Variants in SMAD6 observed in about 807,000 individuals in gnomAD.
SMAD6 encodes the protein SMAD family member 6, also known as MAD homolog 6.
SMAD6 carries 103 observed loss-of-function variants against 39.4 expected under a neutral mutation model. The ratio of observed to expected loss-of-function variants is 2.62; its 90% CI spans 2.23 to 3.08. The LOEUF is 3.08. SMAD6 is among the 30% of genes most tolerant of loss of function. SMAD6 has a pLI of 0.00. For synonymous variants in SMAD6, 445 were observed against 353.3 expected (o/e 1.26, Z -2.91); for missense variants, 1,104 against 742.9 (o/e 1.49, Z -5.65).
intron 3 of SMAD6, among the ~76,000 whole-genome samples, chr15:66,729,126 C>T (rs943437961): frequency 7.9e-5 from 12 of 152,148 alleles, no homozygotes; most frequent in South Asian, 4.1e-4. Flanking sequence ...TGGCAGAGCT[C>T]GGCCTAGAGC....
In SMAD6 at chr15:66,717,613, A is replaced by G. The variant is rs546512562; in HGVS notation, c.952+1115A>G. 2.5e-3 allele frequency: 954 copies of G among 381,508 alleles called. 9 individuals carry two copies. Among genetic ancestry groups the G allele is most frequent in the African/African-American group, 0.019 (897 of 48,164 alleles). The allele number at this position is 381,508 out of a possible 1,614,324, so 23.6% of individuals were successfully genotyped here. ...ACTGGCTGCTCATGGCTGCCTGGCCATTTCCCCAGCCCAGAGCCTTTGCCT... is the reference window on the plus strand; with the variant it reads ...ACTGGCTGCTCATGGCTGCCTGGCCGTTTCCCCAGCCCAGAGCCTTTGCCT... On this transcript the variant is annotated intron_variant, in intron 3 of 3. Transcript: ENST00000288840.
At chr15:66,769,984 C>T (rs534451646) in intron 3 of SMAD6, among the ~76,000 whole-genome samples, 28 of 152,314 alleles carry the variant, frequency 1.8e-4, no homozygotes, top group African/African-American at 6.7e-4. Context: ...TCCGCCACCA[C>T]GCCCAGCTGA....
rs117262616 is a variant in SMAD6, at chr15:66,780,731, A to G, written c.953-266A>G. ...GTTCATGTCTGCGTCCGCAGCATCT[A>G]GCACACAACAGGTGCTCTCTGGCTT... On this transcript the variant is annotated intron_variant, in intron 3 of 3. Transcript: ENST00000288840. Among the ~76,000 whole-genome samples the G allele has an allele frequency of 7.9e-3, 1,205 of 152,286 alleles. 89 individuals carry two copies. The East Asian group carries it at 0.17, about 21-fold the overall frequency.
chr15:66,722,656 C>T (rs1424410692), intron 3 of SMAD6, among the ~76,000 whole-genome samples: 1 of 152,202 alleles, frequency 6.6e-6, no homozygotes. Context: ...CAATCCCTCG[C>T]CATGTGTCTT....
intron 1 of SMAD6, chr15:66,707,313 T>C (rs1461632715): frequency 1.3e-5 from 2 of 152,090 alleles, no homozygotes; most frequent in Non-Finnish European, 2.9e-5. Context: ...AGTAAATTAC[T>C]ATTATCCAAA....
At chr15:66,710,093 C>T (rs1379774696) in intron 1 of SMAD6, among the ~76,000 whole-genome samples, 1 of 152,202 alleles carries the variant, frequency 6.6e-6, no homozygotes, top group East Asian at 1.9e-4. Context: ...CAGAGTCAGG[C>T]CTGGACTGGA....
At chr15:66,714,460 G>A (rs903409532) in intron 2 of SMAD6, among the ~76,000 whole-genome samples, 1 of 152,180 alleles carries the variant, frequency 6.6e-6, no homozygotes, top group Non-Finnish European at 1.5e-5. Flanking sequence ...TTGGTGTCCG[G>A]AAGTGGAGTT....
chr15:66,765,286 G>A lies in SMAD6; in HGVS notation c.953-15711G>A, dbSNP rs191624311. Among the ~76,000 whole-genome samples, 152 of 152,142 alleles carry A rather than the reference G, an allele frequency of 1.0e-3. 1 individual carries two copies. Among genetic ancestry groups the A allele is most frequent in the African/African-American group, 3.6e-3 (150 of 41,500 alleles). ...GTCGCCCAGGCTGGAGTGCAGTGGC[G>A]CAATCTGGCTCACTGCAACCTCTGC... On this transcript the variant is annotated intron_variant, in intron 3 of 3. Transcript: ENST00000288840.
intron 3 of SMAD6, among the ~76,000 whole-genome samples, chr15:66,744,782 G>A (rs1407439670): frequency 2.0e-5 from 3 of 152,230 alleles, no homozygotes; most frequent in South Asian, 2.1e-4. Flanking sequence ...GCTGCCCACA[G>A]CCCTCATCGC....
At position 66,711,682 on chromosome 15, in the gene SMAD6, C is replaced by G; in HGVS notation, c.832C>G (p.Pro278Ala). 1 of 1,614,048 alleles carries G rather than the reference C, an allele frequency of 6.2e-7. No homozygotes were observed. Among genetic ancestry groups the G allele is most frequent in the Non-Finnish European group, 8.5e-7 (1 of 1,179,930 alleles). The change falls in exon 2 of 4, where the codon CCC becomes GCC. Residue 278 changes from proline to alanine, a missense_variant. Coordinates refer to ENST00000288840, the MANE Select transcript of SMAD6 (RefSeq NM_005585.5). ...CTGTCTTCCAGAATCTCCGCCACCT[C>G]CCTACTCTCGGCTGTCTCCTCGCGA... ...RLCGPESPPP[P>A]YSRLSPRDEY...
chr15:66,732,858 G>C (rs1334711168), intron 3 of SMAD6, among the ~76,000 whole-genome samples: 1 of 151,752 alleles, frequency 6.6e-6, no homozygotes, highest in Non-Finnish European at 1.5e-5. Context: ...TTCTTTTCAT[G>C]CTTTTTATGT....
intron 3 of SMAD6, among the ~76,000 whole-genome samples, chr15:66,754,666 G>T (rs1350209819): frequency 1.3e-5 from 2 of 152,158 alleles, no homozygotes; most frequent in East Asian, 1.9e-4. Flanking sequence ...GGCATTTTAC[G>T]TAGAGTGTCT....
At chr15:66,717,409 G>A (rs569074448) in intron 3 of SMAD6, 7 of 456,072 alleles carry the variant, frequency 1.5e-5, no homozygotes, top group African/African-American at 6.0e-5. Flanking sequence ...CCACTTGGCC[G>A]CTTTATATGC....
intron 1 of SMAD6, chr15:66,708,034 G>A (rs1458963409): frequency 2.0e-5 from 3 of 152,356 alleles, no homozygotes; most frequent in Non-Finnish European, 4.4e-5. Flanking sequence ...ACCTTCTGGT[G>A]CACTGGCCCC....
intron 3 of SMAD6, among the ~76,000 whole-genome samples, chr15:66,721,418 C>T (rs2140612131): frequency 6.6e-6 from 1 of 152,254 alleles, no homozygotes; most frequent in South Asian, 2.1e-4. Flanking sequence ...CCTCATCTAA[C>T]AGACTCTGAG....
chr15:66,756,061 A>G (rs1041850477), intron 3 of SMAD6, among the ~76,000 whole-genome samples: 4 of 151,624 alleles, frequency 2.6e-5, no homozygotes, highest in East Asian at 1.9e-4. Flanking sequence ...AGAGGTGACA[A>G]TGGTGACTTT....
At chr15:66,740,156 A>C (rs1448919475) in intron 3 of SMAD6, among the ~76,000 whole-genome samples, 1 of 152,192 alleles carries the variant, frequency 6.6e-6, no homozygotes, top group Non-Finnish European at 1.5e-5. Flanking sequence ...GGGTCTGCCC[A>C]CATGGCAGGC....
chr15:66,739,465 A>G (rs983188833), intron 3 of SMAD6, among the ~76,000 whole-genome samples: 4 of 152,228 alleles, frequency 2.6e-5, no homozygotes, highest in African/African-American at 7.2e-5. Context: ...CAGGCCGTCA[A>G]GAGCCACTCA....
chr15:66,751,187 T>G (rs888656125), intron 3 of SMAD6, among the ~76,000 whole-genome samples: 1 of 151,924 alleles, frequency 6.6e-6, no homozygotes, highest in Non-Finnish European at 1.5e-5. Flanking sequence ...AGTCAGAGGG[T>G]GGTGGTGGTG....
Sources: allele counts gnomAD v4.1 joint callset (sites outside exome capture counted in the v4.1 genomes callset), GRCh38; gene constraint gnomAD v4.1.1; transcripts MANE v1.5; gene names NCBI Gene and HGNC (gene_info 2026-07-23, HGNC 2026-07-21).